The following MAGI2 variants were observed in gnomAD, a reference collection of about 807,000 sequenced individuals.
MAGI2 encodes membrane associated guanylate kinase, WW and PDZ domain containing 2.
MAGI2 carries 35 observed loss-of-function variants against 133.3 expected under a neutral mutation model. That is an observed-to-expected ratio of 0.26 (90% confidence interval 0.20 to 0.35). The LOEUF is 0.35. Ranked by LOEUF, MAGI2 falls within the 10% of genes least tolerant of loss-of-function variation. The probability of loss-of-function intolerance (pLI) is 1.00; values close to 1 mark genes in which losing one functional copy is unlikely to be tolerated. For synonymous variants in MAGI2, 729 were observed against 710.6 expected (o/e 1.03, Z -0.41); for missense variants, 1,636 against 1,863.4 (o/e 0.88, Z 2.25).
intron 1 of MAGI2, among the ~76,000 whole-genome samples, chr7:79,270,964 AT>A (rs1405452405): frequency 6.6e-6 from 1 of 151,790 alleles, no homozygotes; most frequent in Non-Finnish European, 1.5e-5. Context: ...CTATCTTGGT[AT>A]TTTTTTCTTC....
Position 78,079,006 on chromosome 7 carries a change from G to C in MAGI2, c.3647C>G (p.Ser1216Cys). 6 of 1,613,818 alleles carry C rather than the reference G, an allele frequency of 3.7e-6. No homozygotes were observed. Among genetic ancestry groups the C allele is most frequent in the Non-Finnish European group, 4.2e-6 (5 of 1,179,896 alleles). Residue 1216 changes from serine (S) to cysteine (C), a missense_variant, in exon 21 of 22, where the codon TCT becomes TGT. By Grantham distance (112) the Ser-to-Cys change is moderately radical. Coordinates refer to ENST00000354212, the MANE Select transcript of MAGI2 (RefSeq NM_012301.4). Reference protein sequence around the residue: ...THARAIELIKSGGRRVRLLLK... With the variant: ...THARAIELIKCGGRRVRLLLK... ...CAGCAGCCTCACTCGTCTTCCTCCA[G>C]ATTTGATGAGTTCTATTGCTCTGGC...
intron 2 of MAGI2, among the ~76,000 whole-genome samples, chr7:78,819,586 T>C (rs1458580516): frequency 6.6e-6 from 1 of 152,064 alleles, no homozygotes; most frequent in Non-Finnish European, 1.5e-5. Flanking sequence ...TATGTGTACG[T>C]GTGTGTCTGT....
intron 7 of MAGI2, 23 bp downstream of exon 7, chr7:78,369,133 T>A: frequency 6.5e-7 from 1 of 1,532,492 alleles, no homozygotes; most frequent in Non-Finnish European, 8.9e-7. Context: ...AATAACAAGT[T>A]AATATCACAC....
intron 20 of MAGI2, among the ~76,000 whole-genome samples, chr7:78,118,398 A>G (rs560127867): frequency 1.3e-5 from 2 of 152,364 alleles, no homozygotes; most frequent in Admixed American, 1.3e-4. Flanking sequence ...AGACACTGTC[A>G]AGAGAATAAA....
intron 2 of MAGI2, among the ~76,000 whole-genome samples, chr7:78,715,007 G>A (rs1210297010): frequency 1.3e-5 from 2 of 152,158 alleles, no homozygotes; most frequent in African/African-American, 4.8e-5. Flanking sequence ...AGTTCATGAT[G>A]AGACCTCTTA....
chr7:79,323,320 T>C (rs756701374), intron 1 of MAGI2, among the ~76,000 whole-genome samples: 10 of 152,166 alleles, frequency 6.6e-5, no homozygotes, highest in Non-Finnish European at 1.3e-4. Flanking sequence ...TGATATTCTA[T>C]GACAAGGTGG....
chr7:78,348,069 A>G (rs1282814714), intron 7 of MAGI2, among the ~76,000 whole-genome samples: 1 of 151,908 alleles, frequency 6.6e-6, no homozygotes, highest in African/African-American at 2.4e-5. Flanking sequence ...TTTTGCCCTC[A>G]CTCATTTCTG....
At chr7:78,086,584 T>C (rs1292933247) in intron 20 of MAGI2, among the ~76,000 whole-genome samples, 1 of 151,646 alleles carries the variant, frequency 6.6e-6, no homozygotes, top group East Asian at 1.9e-4. Context: ...TTTTAAGTTT[T>C]CCCCTCCCCT....
intron 2 of MAGI2, among the ~76,000 whole-genome samples, chr7:78,641,665 AG>A (rs11291740): frequency 0.26 from 39,684 of 152,020 alleles, 5,537 homozygotes; most frequent in African/African-American, 0.34. Flanking sequence ...TGGTGTGGCC[AG>A]CATTAAGTGT....
At chr7:78,161,639 G>A (rs1423643652) in intron 15 of MAGI2, among the ~76,000 whole-genome samples, 1 of 103,120 alleles carries the variant, frequency 9.7e-6, no homozygotes, top group Non-Finnish European at 1.9e-5. Flanking sequence ...AACAAAGACT[G>A]CAAGAGACGT....
chr7:79,340,718 T>C (rs1840828162), intron 1 of MAGI2, among the ~76,000 whole-genome samples: 1 of 152,124 alleles, frequency 6.6e-6, no homozygotes, highest in Admixed American at 6.6e-5. Flanking sequence ...TAAGTGTACA[T>C]ATGGCTGGGG....
intron 6 of MAGI2, among the ~76,000 whole-genome samples, chr7:78,458,211 A>G (rs1789534651): frequency 6.6e-6 from 1 of 150,540 alleles, no homozygotes; most frequent in South Asian, 2.1e-4. Flanking sequence ...CAGGAGAATC[A>G]CTTGAACTAG....
chr7:78,325,427 T>G (rs17344821), intron 9 of MAGI2, among the ~76,000 whole-genome samples: 8,775 of 152,214 alleles, frequency 0.058, 348 homozygotes, highest in South Asian at 0.13. Context: ...GCACCTTAAT[T>G]AGGTGAAAGT....
At chr7:79,447,199 TATG>T (rs1848915577) in intron 1 of MAGI2, among the ~76,000 whole-genome samples, 1 of 152,106 alleles carries the variant, frequency 6.6e-6, no homozygotes, top group Non-Finnish European at 1.5e-5. Context: ...ATTAATTATC[TATG>T]ATGATATGGA....
chr7:78,122,823 A>G (rs1695706490), intron 20 of MAGI2, among the ~76,000 whole-genome samples: 2 of 151,990 alleles, frequency 1.3e-5, no homozygotes, highest in Admixed American at 1.3e-4. Context: ...AGCTTTGCCA[A>G]TATTATTTTT....
chr7:78,542,769 A>G (rs1798519898), intron 3 of MAGI2, among the ~76,000 whole-genome samples: 1 of 152,196 alleles, frequency 6.6e-6, no homozygotes, highest in South Asian at 2.1e-4. Context: ...CAGATCATAC[A>G]GGGCCTTGTC....
In MAGI2 at chr7:79,451,236, T is replaced by G. The variant is rs908067115; in HGVS notation, c.301+1784A>C. Reference sequence around the variant, plus strand: ...AGGGCATCCGTTTGTGGGACTCTATTAAGTCCAATTTAACAACGCTTAACT... The same window carrying G: ...AGGGCATCCGTTTGTGGGACTCTATGAAGTCCAATTTAACAACGCTTAACT... On this transcript the variant is annotated intron_variant, in intron 1 of 21. Coordinates refer to ENST00000354212, the MANE Select transcript of MAGI2 (RefSeq NM_012301.4). Among the ~76,000 whole-genome samples the G allele has an allele frequency of 2.0e-5, 3 of 152,184 alleles. No homozygotes were observed. The East Asian group carries it at 5.8e-4, about 29-fold the overall frequency.
chr7:78,654,726 TATATATATATATATATATATATAG>T (rs1811969808), intron 2 of MAGI2, among the ~76,000 whole-genome samples: 1 of 124,254 alleles, frequency 8.0e-6, no homozygotes, highest in South Asian at 2.4e-4. Flanking sequence ...TATATATATA[TATATATATATATATATATATATAG>T]CATATATTTT....
chr7:79,095,964 A>C (rs182533888), intron 1 of MAGI2, among the ~76,000 whole-genome samples: 103 of 152,282 alleles, frequency 6.8e-4, no homozygotes, highest in African/African-American at 2.3e-3. Flanking sequence ...GTTAACTACA[A>C]TAAAATAAGG....
Sources: allele counts gnomAD v4.1 joint callset (sites outside exome capture counted in the v4.1 genomes callset), GRCh38; gene constraint gnomAD v4.1.1; transcripts MANE v1.5; gene names NCBI Gene and HGNC (gene_info 2026-07-23, HGNC 2026-07-21).